Variants in BBIP1 observed in about 807,000 individuals in gnomAD.
BBIP1 encodes the protein BBSome interacting protein 1, also known as BBSome-interacting protein 1.
Under a neutral mutation model 8.9 loss-of-function variants are expected in BBIP1, and 6 were observed. The observed-to-expected ratio is 0.67, with a 90% CI of 0.37 to 1.33. The LOEUF is 1.33. Ranked by LOEUF, BBIP1 falls within the 40% of genes most tolerant of loss-of-function variation. The pLI, the probability that BBIP1 is intolerant of heterozygous loss-of-function variation, is 0.02. For missense variants in BBIP1, 111 were observed against 109.2 expected (o/e 1.02, Z -0.07); for synonymous variants, 32 against 33.4 (o/e 0.96, Z 0.14).
chr10:110,904,818 A>G (rs1846091028), intron 2 of BBIP1: 1 of 152,264 alleles, frequency 6.6e-6, no homozygotes, highest in Non-Finnish European at 1.5e-5. Flanking sequence ...ATAGAACGGA[A>G]TACTATGCCA....
In BBIP1 at chr10:110,900,609, T is replaced by TA. The variant is rs1845970690; in HGVS notation, c.113-84dup. The TA allele has an allele frequency of 9.6e-6, 11 of 1,142,336 alleles. 1 individual carries two copies. The South Asian group carries it at 1.9e-4, about 20-fold the overall frequency. 70.8% of individuals were successfully genotyped at this position (1,142,336 alleles called of 1,614,324 possible). ...TGGATTTGCAGCTAGAATGAAGGTCTAAAAAATTAATCTCTTGTCACTGAA... is the reference window on the plus strand; with the variant it reads ...TGGATTTGCAGCTAGAATGAAGGTCTAAAAAAATTAATCTCTTGTCACTGAA... On this transcript the variant is annotated intron_variant, in intron 3 of 3. Transcript: ENST00000448814.
At chr10:110,901,370 A>T in intron 3 of BBIP1, 168 bp downstream of exon 3, 1 of 594,520 alleles carries the variant, frequency 1.7e-6, no homozygotes, top group Admixed American at 3.0e-5. Flanking sequence ...TTCATTTGTT[A>T]TCCTTTTACT....
intron 2 of BBIP1, chr10:110,904,183 A>ATTTAAGCCAGGG (rs1846075504): frequency 1.3e-5 from 2 of 152,256 alleles, no homozygotes; most frequent in South Asian, 4.1e-4. Flanking sequence ...GGAGAAACAT[A>ATTTAAGCCAGGG]ACAGCTATGG....
In BBIP1 at chr10:110,915,017, A is replaced by G. The variant is rs554729081; in HGVS notation, c.37+3104T>C. Among the ~76,000 whole-genome samples the G allele has an allele frequency of 5.0e-4, 76 of 152,302 alleles. 1 individual carries two copies. Among genetic ancestry groups the G allele is most frequent in the African/African-American group, 1.6e-3 (68 of 41,566 alleles). ...ATTTCAACAGTGTGCAAGGAAAGAGAAAAGTTGTTTGATACTTTACAGAGT... is the reference window on the plus strand; with the variant it reads ...ATTTCAACAGTGTGCAAGGAAAGAGGAAAGTTGTTTGATACTTTACAGAGT... On this transcript the variant is annotated intron_variant, in intron 2 of 3. Coordinates refer to ENST00000448814, the MANE Select transcript of BBIP1 (RefSeq NM_001195305.3).
At chr10:110,902,921 C>CT (rs35218142) in intron 2 of BBIP1, 2,964 of 145,652 alleles carry the variant, frequency 0.02, 90 homozygotes, top group African/African-American at 0.065. Flanking sequence ...TGATCACTGC[C>CT]TTTTTTTTTT....
rs941813166 is a variant in BBIP1 at position 110,899,813 on chromosome 10, GA to G, written c.*546del. 6 of 146,738 alleles carry G rather than the reference GA, an allele frequency of 4.1e-5. No individual in the cohort carries two copies. Among genetic ancestry groups the G allele is most frequent in the African/African-American group, 1.5e-4 (6 of 39,646 alleles). 9.1% of individuals were successfully genotyped at this position (146,738 alleles called of 1,614,324 possible). ...TCTTGTCTCAAAAAAAAAAAAAAATGAGGTTTAAGACAGTTTTGTCATTACT... is the reference window on the plus strand; with the variant it reads ...TCTTGTCTCAAAAAAAAAAAAAAATGGGTTTAAGACAGTTTTGTCATTACT... On this transcript the variant is annotated 3_prime_UTR_variant, in exon 4 of 4. Transcript: ENST00000448814.
chr10:110,911,836 G>C (rs1441781824), intron 2 of BBIP1: 1 of 152,062 alleles, frequency 6.6e-6, no homozygotes, highest in Non-Finnish European at 1.5e-5. Flanking sequence ...GTTTAGTACG[G>C]TGCTTCACTG....
chr10:110,914,477 C>T (rs781773951), intron 2 of BBIP1, among the ~76,000 whole-genome samples: 2 of 151,316 alleles, frequency 1.3e-5, no homozygotes, highest in Non-Finnish European at 2.9e-5. Context: ...AAAGGGGAGC[C>T]CAGAAAGAAT....
In BBIP1 at chr10:110,900,421, G is replaced by A. The variant is rs1333628668; in HGVS notation, c.218C>T (p.Ala73Val). ...TTCTTGTTGGCGAATTGTATTCTGT[G>A]CTGCTTGATGCATTTTCTCTAGTTT... is the stretch of plus-strand genomic sequence containing the variant. ...LEKLEKMHQA[A>V]QNTIRQQEMA... The change falls in exon 4 of 4, where the codon GCA (alanine) becomes GTA (valine). Residue 73 changes from alanine (A) to valine (V), a missense_variant. By Grantham distance (64) the Ala-to-Val change is moderately conservative. Transcript: ENST00000448814. 3 of 1,535,706 alleles carry A rather than the reference G, an allele frequency of 2.0e-6. No homozygotes were observed. The highest frequency in any genetic ancestry group is 2.6e-6 in the Non-Finnish European group (3 of 1,146,840).
chr10:110,905,219 G>C (rs1481834025), intron 2 of BBIP1, among the ~76,000 whole-genome samples: 2 of 152,156 alleles, frequency 1.3e-5, no homozygotes, highest in Non-Finnish European at 2.9e-5. Context: ...CGCAGGTCTA[G>C]GATGGATTAT....
At chr10:110,901,075 A>G in intron 3 of BBIP1, 3 of 443,316 alleles carry the variant, frequency 6.8e-6, no homozygotes, top group Middle Eastern at 3.8e-4. Flanking sequence ...TGTTTGTTTG[A>G]GCCCAGGGGT....
chr10:110,917,396 A>G (rs902714304), intron 2 of BBIP1, among the ~76,000 whole-genome samples: 2 of 152,144 alleles, frequency 1.3e-5, no homozygotes, highest in South Asian at 2.1e-4. Flanking sequence ...TTGCCTAACA[A>G]TAAGTGTCTG....
At chr10:110,902,953 T>C (rs1017253907) in intron 2 of BBIP1, 1 of 151,960 alleles carries the variant, frequency 6.6e-6, no homozygotes, top group Non-Finnish European at 1.5e-5. Flanking sequence ...GGATGAAGGT[T>C]ACTAGCATTG....
Position 110,899,845 on chromosome 10 carries a change from G to T in BBIP1, c.*515C>A, listed in dbSNP as rs1845941840. 1 of 151,958 alleles carries T rather than the reference G, an allele frequency of 6.6e-6. No individual in the cohort carries two copies. The highest frequency in any genetic ancestry group is 1.5e-5 in the Non-Finnish European group (1 of 68,066). The allele number at this position is 151,958 out of a possible 1,614,324, so 9.4% of individuals were successfully genotyped here. ...AAGACAGTTTTGTCATTACTGGTGG[G>T]ATCTGGTCACACAAGATAGCATTAA... On this transcript the variant is annotated 3_prime_UTR_variant, in exon 4 of 4. Transcript: ENST00000448814.
chr10:110,904,852 CA>C (rs1846091782), intron 2 of BBIP1: 1 of 152,118 alleles, frequency 6.6e-6, no homozygotes, highest in Non-Finnish European at 1.5e-5. Context: ...TGCAGATTGT[CA>C]AGGCATACCT....
chr10:110,900,441 T>C lies in BBIP1; in HGVS notation c.198A>G (p.Leu66=), dbSNP rs1386795212. 1 of 1,535,960 alleles carries C rather than the reference T, an allele frequency of 6.5e-7. No homozygotes were observed. Among genetic ancestry groups the C allele is most frequent in the Admixed American group, 2.0e-5 (1 of 50,994 alleles). The change falls in exon 4 of 4, where the codon CTA becomes CTG. Residue 66 remains leucine, a synonymous_variant. Transcript: ENST00000448814. The stretch of plus-strand genomic sequence containing the variant: ...TCTGTGCTGCTTGATGCATTTTCTC[T>C]AGTTTTTCCAGAGTCAGAGATTTTA... ...LPLKSLTLEK[L]EKMHQAAQNT...
intron 2 of BBIP1, chr10:110,907,555 G>A (rs1590752622): frequency 2.1e-6 from 1 of 478,176 alleles, no homozygotes; most frequent in South Asian, 3.8e-5. Context: ...GAAAAATGGT[G>A]AAAGAGGAGA....
intron 2 of BBIP1, chr10:110,901,822 T>G (rs982239908): frequency 7.4e-6 from 4 of 539,516 alleles, no homozygotes; most frequent in South Asian, 2.2e-5. Context: ...AGTTGTGGTG[T>G]TAACTACAAG....
At chr10:110,903,941 A>T (rs773847601) in intron 2 of BBIP1, 2 of 152,214 alleles carry the variant, frequency 1.3e-5, no homozygotes, top group Non-Finnish European at 2.9e-5. Flanking sequence ...TGACATCATT[A>T]AGCAATAGGA....
Sources: gnomAD v4.1 joint callset for allele counts (sites outside exome capture counted in the v4.1 genomes callset) on GRCh38, gnomAD v4.1.1 for gene constraint, MANE v1.5 for transcripts, NCBI Gene and HGNC (gene_info 2026-07-23, HGNC 2026-07-21) for gene names.